GOLM2: variants seen among roughly 807,000 people sequenced by gnomAD.
GOLM2 encodes protein GOLM2.
Under a neutral mutation model 55.9 loss-of-function variants are expected in GOLM2, and 26 were observed. That is an observed-to-expected ratio of 0.47 (90% confidence interval 0.34 to 0.65). The LOEUF is 0.65. GOLM2 is among the 30% of genes least tolerant of loss of function. GOLM2 has a pLI of 0.01. For missense variants in GOLM2, 486 were observed against 531.8 expected, an observed-to-expected ratio of 0.91 and a Z score of 0.85; for synonymous variants, 165 against 194.6, an observed-to-expected ratio of 0.85 and a Z score of 1.27.
intron 4 of GOLM2, among the ~76,000 whole-genome samples, chr15:44,333,249 C>T (rs1210540203): frequency 2.0e-5 from 3 of 152,020 alleles, no homozygotes; most frequent in Non-Finnish European, 4.4e-5. Flanking sequence ...TTTTTTATAC[C>T]TTGTAATCTT....
At chr15:44,311,652 T>TTGTGTG (rs371395923) in intron 1 of GOLM2, among the ~76,000 whole-genome samples, 4 of 149,950 alleles carry the variant, frequency 2.7e-5, no homozygotes, top group African/African-American at 9.8e-5. Context: ...AGGATTGCTT[T>TTGTGTG]TGTGTGTGTG....
chr15:44,304,721 T>C (rs1304045692), intron 1 of GOLM2, among the ~76,000 whole-genome samples: 1 of 152,130 alleles, frequency 6.6e-6, no homozygotes, highest in Non-Finnish European at 1.5e-5. Flanking sequence ...CCTGGCTAAT[T>C]TTTAAAAAAT....
At chr15:44,308,381 G>T (rs1202506046) in intron 1 of GOLM2, 1 of 152,130 alleles carries the variant, frequency 6.6e-6, no homozygotes, top group African/African-American at 2.4e-5. Context: ...TTATGTTGTA[G>T]CATGTATCAG....
intron 1 of GOLM2, among the ~76,000 whole-genome samples, chr15:44,300,375 A>T (rs973763178): frequency 6.6e-6 from 1 of 152,212 alleles, no homozygotes; most frequent in Non-Finnish European, 1.5e-5. Flanking sequence ...CTATACACTA[A>T]AATGATCTTT....
At chr15:44,357,174 C>T (rs1470540548) in intron 6 of GOLM2, among the ~76,000 whole-genome samples, 1 of 151,480 alleles carries the variant, frequency 6.6e-6, no homozygotes, top group Non-Finnish European at 1.5e-5. Flanking sequence ...CCACCACCCG[C>T]CCCCCAAAAA....
chr15:44,360,526 A>C (rs1476457360), intron 6 of GOLM2, among the ~76,000 whole-genome samples: 1 of 152,236 alleles, frequency 6.6e-6, no homozygotes, highest in African/African-American at 2.4e-5. Context: ...ATATGCACCC[A>C]GTACAGGAGC....
intron 6 of GOLM2, among the ~76,000 whole-genome samples, chr15:44,367,050 A>G (rs1382354692): frequency 6.6e-6 from 1 of 152,120 alleles, no homozygotes; most frequent in Non-Finnish European, 1.5e-5. Context: ...TATCTTATAA[A>G]ACAGACATTG....
chr15:44,364,224 CTT>C (rs2079266259), intron 6 of GOLM2, among the ~76,000 whole-genome samples: 1 of 151,990 alleles, frequency 6.6e-6, no homozygotes, highest in African/African-American at 2.4e-5. Flanking sequence ...AAAACACACA[CTT>C]AACACTTAGA....
At chr15:44,384,119 C>G (rs1015898823) in intron 8 of GOLM2, among the ~76,000 whole-genome samples, 2 of 152,052 alleles carry the variant, frequency 1.3e-5, no homozygotes, top group East Asian at 3.8e-4. Flanking sequence ...GTAAGTTACA[C>G]GTAAAATTCA....
chr15:44,384,339 G>T (rs945475793), intron 8 of GOLM2, among the ~76,000 whole-genome samples: 3 of 152,074 alleles, frequency 2.0e-5, no homozygotes, highest in Non-Finnish European at 2.9e-5. Flanking sequence ...ACGGCCAGGC[G>T]CGGTGGCTCA....
chr15:44,293,041 C>T (rs2078732263), intron 1 of GOLM2, among the ~76,000 whole-genome samples: 1 of 152,144 alleles, frequency 6.6e-6, no homozygotes, highest in Non-Finnish European at 1.5e-5. Flanking sequence ...GTCTCCAGTT[C>T]CTGGCCTGAA....
chr15:44,303,089 C>A (rs1432854234), intron 1 of GOLM2, among the ~76,000 whole-genome samples: 1 of 149,382 alleles, frequency 6.7e-6, no homozygotes, highest in African/African-American at 2.5e-5. Context: ...GGCGACAGAG[C>A]AATACTCCAT....
intron 4 of GOLM2, among the ~76,000 whole-genome samples, chr15:44,335,260 C>T (rs528991108): frequency 6.6e-6 from 1 of 152,150 alleles, no homozygotes; most frequent in Admixed American, 6.6e-5. Flanking sequence ...GGGGTGATTA[C>T]TTTTCTGTAA....
At chr15:44,350,015 G>A (rs146959100) in intron 6 of GOLM2, among the ~76,000 whole-genome samples, 2 of 152,192 alleles carry the variant, frequency 1.3e-5, no homozygotes, top group African/African-American at 2.4e-5. Flanking sequence ...GAAGTTTATA[G>A]CTATAAGCTC....
At chr15:44,292,581 C>T (rs1281372465) in intron 1 of GOLM2, among the ~76,000 whole-genome samples, 3 of 152,082 alleles carry the variant, frequency 2.0e-5, no homozygotes, top group African/African-American at 7.2e-5. Context: ...CTTTCAAACT[C>T]CTGGCTCCAA....
At chr15:44,358,339 C>T (rs890130149) in intron 6 of GOLM2, among the ~76,000 whole-genome samples, 18 of 152,042 alleles carry the variant, frequency 1.2e-4, no homozygotes, top group Non-Finnish European at 8.8e-5. Context: ...GGTGACAGAG[C>T]GAGACTCTGT....
intron 8 of GOLM2, among the ~76,000 whole-genome samples, chr15:44,399,473 T>C (rs556762401): frequency 2.6e-5 from 4 of 152,342 alleles, no homozygotes; most frequent in Non-Finnish European, 5.9e-5. Context: ...ATTTTTATTA[T>C]CTGAGTATCT....
At chr15:44,355,292 C>T (rs2079190264) in intron 6 of GOLM2, 1 of 160,222 alleles carries the variant, frequency 6.2e-6, no homozygotes, top group Admixed American at 6.5e-5. Context: ...TTGTGGAGCT[C>T]TGCAGAACAT....
intron 6 of GOLM2, among the ~76,000 whole-genome samples, chr15:44,371,567 T>C (rs972662396): frequency 6.6e-6 from 1 of 152,232 alleles, no homozygotes; most frequent in Admixed American, 6.5e-5. Flanking sequence ...TCTGTTCATA[T>C]ACACAAAGCA....
Sources: allele counts gnomAD v4.1 joint callset (sites outside exome capture counted in the v4.1 genomes callset), GRCh38; gene constraint gnomAD v4.1.1; transcripts MANE v1.5; gene names NCBI Gene and HGNC (gene_info 2026-07-23, HGNC 2026-07-21).